CHD8: variants seen among roughly 807,000 people sequenced by gnomAD.
CHD8 encodes chromodomain helicase DNA binding protein 8, also known as ATP-dependent chromatin remodeler CHD8.
Under a neutral mutation model 279.2 loss-of-function variants are expected in CHD8, and 31 were observed. The observed-to-expected ratio is 0.11, with a 90% CI of 0.08 to 0.15. CHD8 has a LOEUF of 0.15. CHD8 is among the 10% of genes least tolerant of loss of function. The probability of loss-of-function intolerance (pLI) is 1.00; values close to 1 mark genes in which losing one functional copy is unlikely to be tolerated. For missense variants in CHD8, 2,146 were observed against 3,230.5 expected (o/e 0.66, Z 8.14); for synonymous variants, 1,081 against 1,139.6 (o/e 0.95, Z 1.04).
rs1162531040 is a variant in CHD8, at chr14:21,456,082, TC to T, written c.-267del. On this transcript the variant is annotated 5_prime_UTR_variant, in exon 1 of 38. It removes the in-frame stop codon of an upstream open reading frame in the 5' UTR. Coordinates refer to ENST00000646647, the MANE Select transcript of CHD8 (RefSeq NM_001170629.2). ...CCAGGCAGCGTTTCAACTCACCCTCTCCGAGAACAAGGCGCCTTCCGGCGGA... is the reference window on the plus strand; with the variant it reads ...CCAGGCAGCGTTTCAACTCACCCTCTCGAGAACAAGGCGCCTTCCGGCGGA... The T allele has an allele frequency of 6.6e-6, 1 of 151,298 alleles. No homozygotes were observed. Among genetic ancestry groups the T allele is most frequent in the East Asian group, 2.0e-4 (1 of 5,046 alleles). 9.4% of individuals were successfully genotyped at this position (151,298 alleles called of 1,614,324 possible).
chr14:21,409,504 C>A (rs1317081866), intron 11 of CHD8, among the ~76,000 whole-genome samples: 1 of 152,042 alleles, frequency 6.6e-6, no homozygotes, highest in East Asian at 1.9e-4. Context: ...ATGATTGGTA[C>A]CAATGACTTG....
rs181842281 is a variant in CHD8 at position 21,402,690 on chromosome 14, A to C, written c.3715-187T>G. Among the ~76,000 whole-genome samples the C allele has an allele frequency of 8.0e-4, 122 of 152,314 alleles. No individual in the cohort carries two copies. Among genetic ancestry groups the C allele is most frequent in the Middle Eastern group, 3.4e-3 (1 of 294 alleles). On this transcript the variant is annotated intron_variant, in intron 18 of 37. Coordinates refer to ENST00000646647, the MANE Select transcript of CHD8 (RefSeq NM_001170629.2). This position sits in a 1 kb window ranked among gnomAD's most constrained non-coding sequence, Gnocchi z 4.5. ...TGTAGACCAGGGGTCAGCAAACTAA[A>C]GTCTGTGTGGACATCTGTTTTTAAA...
chr14:21,391,650 C>T lies in CHD8; in HGVS notation c.6886-8G>A. 6.3e-7 allele frequency: 1 copy of T among 1,584,340 alleles called. No individual in the cohort carries two copies. Among genetic ancestry groups the T allele is most frequent in the Non-Finnish European group, 8.6e-7 (1 of 1,164,924 alleles). On this transcript the variant is annotated splice_region_variant and splice_polypyrimidine_tract_variant and intron_variant, in intron 35 of 37. Coordinates refer to ENST00000646647, the MANE Select transcript of CHD8 (RefSeq NM_001170629.2). ...CATGCACTCCACCTCCAGCTGCAAA[C>T]CCAGAATCCACCCCCATGAGCACAT...
chr14:21,394,563 G>T, intron 30 of CHD8, 78 bp from the exon 31 acceptor site: 2 of 451,182 alleles, frequency 4.4e-6, no homozygotes, highest in Non-Finnish European at 7.1e-6. Flanking sequence ...ATTTTTTAAT[G>T]TGTTTTAGAA....
At chr14:21,404,629 G>C (rs937370746) in intron 16 of CHD8, among the ~76,000 whole-genome samples, 18 of 152,118 alleles carry the variant, frequency 1.2e-4, no homozygotes, top group Non-Finnish European at 2.6e-4. Context: ...TTCTGAGACA[G>C]GGCTAGCTTC....
chr14:21,388,337 AT>A (rs1181479786), intron 37 of CHD8, among the ~76,000 whole-genome samples: 1 of 152,168 alleles, frequency 6.6e-6, no homozygotes, highest in East Asian at 1.9e-4. Context: ...AAACTAAAAA[AT>A]AACAAGAGAA....
At chr14:21,415,104 A>C in intron 7 of CHD8, 111 bp from the exon 8 acceptor site, 1 of 717,956 alleles carries the variant, frequency 1.4e-6, no homozygotes, top group Non-Finnish European at 2.3e-6. Flanking sequence ...TGAATATATT[A>C]ATAACTCAGA....
rs1305026557 is a variant in CHD8, at chr14:21,400,872, T to C, written c.4370+3A>G. On this transcript the variant is annotated splice_donor_region_variant and intron_variant, in intron 22 of 37. Transcript: ENST00000646647. This position sits in a 1 kb window ranked among gnomAD's most constrained non-coding sequence, Gnocchi z 4.2. ...TACCTCTAATGGTAAGTTGGGGTCT[T>C]ACCCATATACCAGGAGATGCTTTTC... 2 of 1,605,670 alleles carry C rather than the reference T, an allele frequency of 1.2e-6. No homozygotes were observed. Among genetic ancestry groups the C allele is most frequent in the African/African-American group, 2.7e-5 (2 of 74,838 alleles).
intron 1 of CHD8, among the ~76,000 whole-genome samples, chr14:21,441,643 C>T (rs547392124): frequency 8.2e-4 from 125 of 152,096 alleles, no homozygotes; most frequent in Admixed American, 1.9e-3. Flanking sequence ...AATCCCAGCA[C>T]TTTGGGAGGC....
At chr14:21,389,437 CTTCT>C (rs1424302897) in intron 37 of CHD8, among the ~76,000 whole-genome samples, 2 of 152,048 alleles carry the variant, frequency 1.3e-5, no homozygotes, top group African/African-American at 2.4e-5. Context: ...ATGGCAAAAC[CTTCT>C]TTCTATTAAA....
chr14:21,423,142 CGA>C (rs1566439721), intron 5 of CHD8, among the ~76,000 whole-genome samples: 1 of 151,590 alleles, frequency 6.6e-6, no homozygotes, highest in Non-Finnish European at 1.5e-5. Flanking sequence ...TCACTTGAAC[CGA>C]GAGGCAGAGG....
rs200566427 is a variant in CHD8 at position 21,393,234 on chromosome 14, G to A, written c.6340C>T (p.Leu2114Phe). Reference sequence around the variant, plus strand: ...GACAGGAGACTCTCTTCATCATAGAGCTTTGAGCGGGACTGGTCAGCTGGT... The same window carrying A: ...GACAGGAGACTCTCTTCATCATAGAACTTTGAGCGGGACTGGTCAGCTGGT... ...EKLTDQSRSK[L>F]YDEESLLSLT... is the part of the protein sequence containing the mutation. Residue 2114 changes from leucine (L) to phenylalanine (F), a missense_variant, in exon 33 of 38, where the codon CTC becomes TTC. This residue lies in a region of CHD8 where 513 missense variants were observed against 637.6 expected (regional missense o/e 0.80). Transcript: ENST00000646647. 286 of 1,613,994 alleles carry A rather than the reference G, an allele frequency of 1.8e-4. 1 individual carries two copies. The highest frequency in any genetic ancestry group is 6.6e-4 in the Middle Eastern group (4 of 6,062).
intron 1 of CHD8, chr14:21,436,864 G>A: frequency 1.1e-6 from 1 of 944,294 alleles, no homozygotes; most frequent in Non-Finnish European, 1.5e-6. Flanking sequence ...AGGAAAACGC[G>A]ACTGGGGTGG....
At chr14:21,407,119 T>C (rs1888284667) in intron 13 of CHD8, 87 bp from the exon 14 acceptor site, 2 of 1,085,754 alleles carry the variant, frequency 1.8e-6, no homozygotes, top group East Asian at 2.6e-5. Flanking sequence ...TATTAAGGCA[T>C]GTTTAATAGG....
At position 21,415,904 on chromosome 14, in the gene CHD8, T is replaced by G; in HGVS notation, c.1720A>C (p.Arg574=). The G allele has an allele frequency of 6.2e-7, 1 of 1,611,782 alleles. No homozygotes were observed. Among genetic ancestry groups the G allele is most frequent in the Non-Finnish European group, 8.5e-7 (1 of 1,179,238 alleles). The change falls in exon 6 of 38, where the codon AGA becomes CGA. Residue 574 remains arginine, a synonymous_variant. Coordinates refer to ENST00000646647, the MANE Select transcript of CHD8 (RefSeq NM_001170629.2). ...CGCTTAACTTGGCGGTTTGAGCGTC[T>G]CTTCTGTAGAGCAAAAAGTAGTTAG... ...REDEESSIQK[R]RSNRQVKRKK... is the part of the protein sequence containing the mutation.
intron 2 of CHD8, 50 bp from the exon 3 acceptor site, chr14:21,429,385 A>G (rs1889466200): frequency 6.3e-7 from 1 of 1,577,040 alleles, no homozygotes; most frequent in South Asian, 1.1e-5. Flanking sequence ...AGAATGGTAT[A>G]CTCTGAAATA....
chr14:21,405,196 A>G lies in CHD8; in HGVS notation c.3307+13T>C, dbSNP rs1002666750. 1.2e-6 allele frequency: 2 copies of G among 1,612,886 alleles called. No individual in the cohort carries two copies. Among genetic ancestry groups the G allele is most frequent in the African/African-American group, 2.7e-5 (2 of 74,934 alleles). ...ACTACAGAAGTTCAGGTATATACCA[A>G]GCATTCCCTCACCATTGATGAGATA... On this transcript the variant is annotated intron_variant, in intron 16 of 37. Coordinates refer to ENST00000646647, the MANE Select transcript of CHD8 (RefSeq NM_001170629.2). This position sits in a 1 kb window ranked among gnomAD's most constrained non-coding sequence, Gnocchi z 4.2.
chr14:21,440,263 G>A (rs1314098062), intron 1 of CHD8, among the ~76,000 whole-genome samples: 1 of 152,152 alleles, frequency 6.6e-6, no homozygotes, highest in Non-Finnish European at 1.5e-5. Flanking sequence ...CTGGAGTGCA[G>A]TAGTGCGATC....
Position 21,400,266 on chromosome 14 carries a change from C to A in CHD8, c.4612G>T (p.Val1538Leu). 6.2e-7 allele frequency: 1 copy of A among 1,613,906 alleles called. No individual in the cohort carries two copies. Among genetic ancestry groups the A allele is most frequent in the Non-Finnish European group, 8.5e-7 (1 of 1,179,878 alleles). The change falls in exon 24 of 38, where the codon GTA (valine) becomes TTA (leucine). Residue 1538 changes from valine (V) to leucine (L), a missense_variant. Transcript: ENST00000646647. This position sits in a 1 kb window ranked among gnomAD's most constrained non-coding sequence, Gnocchi z 4.2. ...ATATCAAAAGTGCTTTGTGACTTTACTTTTTTTCCTTTGCGTCCACGAGGC... is the reference window on the plus strand; with the variant it reads ...ATATCAAAAGTGCTTTGTGACTTTAATTTTTTTCCTTTGCGTCCACGAGGC... Reference protein sequence around the residue: ...PVPRGRKGKKVKSQSTFDIHK... With the variant: ...PVPRGRKGKKLKSQSTFDIHK...
Sources: gnomAD v4.1 joint callset for allele counts (sites outside exome capture counted in the v4.1 genomes callset) on GRCh38, gnomAD v4.1.1 for gene constraint, gnomAD v4.1.1 regional missense constraint, Gnocchi (gnomAD v3.1) non-coding constraint, MANE v1.5 for transcripts, NCBI Gene and HGNC (gene_info 2026-07-23, HGNC 2026-07-21) for gene names.